Variants in HAO1 observed in about 807,000 individuals in gnomAD.
HAO1 encodes the protein hydroxyacid oxidase 1.
Under a neutral mutation model 39.7 loss-of-function variants are expected in HAO1, and 34 were observed. The ratio of observed to expected loss-of-function variants is 0.86; its 90% CI spans 0.65 to 1.14. The LOEUF is 1.14. Among genes scored for constraint, HAO1 ranks in the 50% most tolerant of loss-of-function variants. HAO1 has a pLI of 0.00. For missense variants in HAO1, 479 were observed against 464.5 expected (o/e 1.03, Z -0.29); for synonymous variants, 172 against 173.2 (o/e 0.99, Z 0.05).
intron 2 of HAO1, among the ~76,000 whole-genome samples, chr20:7,922,812 C>T (rs956098890): frequency 7.2e-5 from 11 of 152,170 alleles, no homozygotes; most frequent in African/African-American, 2.6e-4. Context: ...GGTTTCTCTA[C>T]TCTTCCATTT....
chr20:7,926,541 T>C (rs916197931), intron 2 of HAO1, among the ~76,000 whole-genome samples: 4 of 152,198 alleles, frequency 2.6e-5, no homozygotes, highest in African/African-American at 9.7e-5. Flanking sequence ...AAATGACAAT[T>C]CTTCCTGTTG....
chr20:7,897,580 T>A (rs1379329376), intron 4 of HAO1, among the ~76,000 whole-genome samples: 1 of 152,088 alleles, frequency 6.6e-6, no homozygotes, highest in Admixed American at 6.6e-5. Context: ...CTTTTTTATA[T>A]TCGACTTCCC....
At chr20:7,915,216 A>G (rs946654820) in intron 2 of HAO1, among the ~76,000 whole-genome samples, 7 of 152,170 alleles carry the variant, frequency 4.6e-5, no homozygotes, top group African/African-American at 9.6e-5. Flanking sequence ...GAATGCTGCT[A>G]TGAAGGTGTT....
rs138052675 is a variant in HAO1, at chr20:7,934,506, G to A, written c.267C>T (p.Asp89=). The A allele has an allele frequency of 5.2e-5, 83 of 1,611,032 alleles. No individual in the cohort carries two copies. Among genetic ancestry groups the A allele is most frequent in the Admixed American group, 6.7e-5 (4 of 59,304 alleles). Residue 89 remains aspartate, a synonymous_variant, in exon 2 of 8, where the codon GAC becomes GAT. Coordinates refer to ENST00000378789, the MANE Select transcript of HAO1 (RefSeq NM_017545.3). ...ATAMQRMAHV[D]GELATVRACQ... ...TACCTCTCACAGTGGCAAGCTCGCC[G>A]TCCACATGAGCCATGCGCTGCATGG...
At chr20:7,899,942 T>C (rs2050214098) in intron 4 of HAO1, among the ~76,000 whole-genome samples, 1 of 152,162 alleles carries the variant, frequency 6.6e-6, no homozygotes. Context: ...CTTATTAATA[T>C]TTTATTTCCA....
chr20:7,904,037 C>T (rs2050236422), intron 4 of HAO1, among the ~76,000 whole-genome samples: 1 of 152,146 alleles, frequency 6.6e-6, no homozygotes, highest in Admixed American at 6.5e-5. Flanking sequence ...AAATGATATA[C>T]ACTGGAAATC....
intron 4 of HAO1, among the ~76,000 whole-genome samples, chr20:7,901,339 A>C (rs1387947181): frequency 2.0e-5 from 3 of 152,174 alleles, no homozygotes; most frequent in Non-Finnish European, 4.4e-5. Flanking sequence ...TCATACTGGA[A>C]GAAGATGCCA....
intron 3 of HAO1, among the ~76,000 whole-genome samples, chr20:7,912,098 C>A (rs1413559207): frequency 6.6e-6 from 1 of 152,140 alleles, no homozygotes; most frequent in Non-Finnish European, 1.5e-5. Context: ...ATGTGTTGCT[C>A]ATTATTTGAT....
At position 7,906,286 on chromosome 20, in the gene HAO1, C is replaced by G. The variant is rs866463468; in HGVS notation, c.589G>C (p.Glu197Gln). 1 of 1,612,004 alleles carries G rather than the reference C, an allele frequency of 6.2e-7. No individual in the cohort carries two copies. Among genetic ancestry groups the G allele is most frequent in the Non-Finnish European group, 8.5e-7 (1 of 1,178,242 alleles). Residue 197 changes from glutamate to glutamine, a missense_variant, in exon 4 of 8, where the codon GAA becomes CAA. Transcript: ENST00000378789. ...ETSTLSFSPE[E>Q]NFGDDSGLAA... Reference sequence around the variant, plus strand: ...AGTCCACTGTCGTCTCCAAAATTTTCCTCAGGAGAAAATGATAAAGTACTG... The same window carrying G: ...AGTCCACTGTCGTCTCCAAAATTTTGCTCAGGAGAAAATGATAAAGTACTG...
At chr20:7,905,897 C>G (rs972317071) in intron 4 of HAO1, among the ~76,000 whole-genome samples, 1 of 152,172 alleles carries the variant, frequency 6.6e-6, no homozygotes, top group East Asian at 1.9e-4. Flanking sequence ...AGTAACAGCT[C>G]TGAAATAAGG....
At chr20:7,911,664 G>C (rs528295928) in intron 3 of HAO1, among the ~76,000 whole-genome samples, 2 of 152,252 alleles carry the variant, frequency 1.3e-5, no homozygotes, top group African/African-American at 4.8e-5. Context: ...CTGAACTCTT[G>C]CTGGGCCCAG....
intron 4 of HAO1, among the ~76,000 whole-genome samples, chr20:7,905,336 A>G (rs769758386): frequency 6.5e-4 from 99 of 152,172 alleles, no homozygotes; most frequent in Non-Finnish European, 1.1e-3. Flanking sequence ...GGACCACATG[A>G]CTCAGACATG....
intron 3 of HAO1, among the ~76,000 whole-genome samples, chr20:7,908,339 A>C (rs1363948040): frequency 1.3e-5 from 2 of 151,750 alleles, no homozygotes; most frequent in Non-Finnish European, 2.9e-5. Context: ...TGCAGTGAGC[A>C]ACTCCAGCCA....
At position 7,923,981 on chromosome 20, in the gene HAO1, T is replaced by C. The variant is rs545242117; in HGVS notation, c.290-9562A>G. On this transcript the variant is annotated intron_variant, in intron 2 of 7. Coordinates refer to ENST00000378789, the MANE Select transcript of HAO1 (RefSeq NM_017545.3). ...AGTGAAGTTGGTAGTGGTTGTCCCA[T>C]GGTTTGCCAATGGCCCGCCATGCCT... Among the ~76,000 whole-genome samples the C allele has an allele frequency of 3.9e-4, 60 of 152,266 alleles. No homozygotes were observed. The South Asian group carries it at 0.012, about 30-fold the overall frequency.
At chr20:7,924,794 G>A (rs2050351532) in intron 2 of HAO1, among the ~76,000 whole-genome samples, 1 of 152,148 alleles carries the variant, frequency 6.6e-6, no homozygotes, top group African/African-American at 2.4e-5. Context: ...GGCCTAAAGT[G>A]TTGGGGTTTT....
intron 5 of HAO1, among the ~76,000 whole-genome samples, chr20:7,890,984 C>A (rs536878798): frequency 6.6e-6 from 1 of 152,264 alleles, no homozygotes; most frequent in African/African-American, 2.4e-5. Flanking sequence ...ACTTTGTAAT[C>A]GTGAACTGTG....
At chr20:7,916,797 T>C (rs1296020875) in intron 2 of HAO1, among the ~76,000 whole-genome samples, 2 of 152,238 alleles carry the variant, frequency 1.3e-5, no homozygotes, top group Non-Finnish European at 2.9e-5. Context: ...GAGGTCATCA[T>C]GTCTATAGAT....
At chr20:7,893,660 C>T (rs970392661) in intron 5 of HAO1, among the ~76,000 whole-genome samples, 10 of 152,112 alleles carry the variant, frequency 6.6e-5, no homozygotes, top group African/African-American at 9.7e-5. Context: ...GAGGACAATT[C>T]GACTCTCTAT....
chr20:7,937,039 G>C (rs1342743390), intron 1 of HAO1, among the ~76,000 whole-genome samples: 1 of 152,050 alleles, frequency 6.6e-6, no homozygotes, highest in Non-Finnish European at 1.5e-5. Flanking sequence ...TGAACCAATT[G>C]AATAATAAAC....
Sources: gnomAD v4.1 joint callset for allele counts (sites outside exome capture counted in the v4.1 genomes callset) on GRCh38, gnomAD v4.1.1 for gene constraint, MANE v1.5 for transcripts, NCBI Gene and HGNC (gene_info 2026-07-23, HGNC 2026-07-21) for gene names.